Variants in TRIO observed in about 807,000 individuals in gnomAD.
TRIO encodes the protein triple functional domain protein.
TRIO carries 58 observed loss-of-function variants against 351.9 expected under a neutral mutation model. The ratio of observed to expected loss-of-function variants is 0.16; its 90% CI spans 0.13 to 0.21. TRIO has a LOEUF of 0.21. Among genes scored for constraint, TRIO ranks in the 10% least tolerant of loss-of-function variants. The probability of loss-of-function intolerance (pLI) is 1.00; values close to 1 mark genes in which losing one functional copy is unlikely to be tolerated. For synonymous variants in TRIO, 1,758 were observed against 1,595.7 expected (o/e 1.10, Z -2.42); for missense variants, 3,201 against 4,027.8 (o/e 0.79, Z 5.56).
intron 1 of TRIO, among the ~76,000 whole-genome samples, chr5:14,174,736 C>CA (rs1230774137): frequency 6.6e-6 from 1 of 152,170 alleles, no homozygotes; most frequent in African/African-American, 2.4e-5. Context: ...ATAATAGTAT[C>CA]TAGAGTCAGG....
At chr5:14,287,219 A>G (rs1334535373) in intron 4 of TRIO, 156 bp downstream of exon 4, 7 of 716,806 alleles carry the variant, frequency 9.8e-6, no homozygotes, top group Non-Finnish European at 1.4e-5. Flanking sequence ...ACTGCATGAA[A>G]TAACAGAGCT....
intron 1 of TRIO, among the ~76,000 whole-genome samples, chr5:14,145,589 C>T (rs1787466712): frequency 6.6e-6 from 1 of 152,040 alleles, no homozygotes; most frequent in Admixed American, 6.6e-5. Flanking sequence ...CCTTCATGCC[C>T]TGAAGCTAAG....
At chr5:14,233,316 T>TAA (rs35925373) in intron 1 of TRIO, among the ~76,000 whole-genome samples, 44,677 of 108,820 alleles carry the variant, frequency 0.41, 9,585 homozygotes, top group Non-Finnish European at 0.49. Flanking sequence ...CCTCGTCTCT[T>TAA]AAAAAAAAAA....
intron 11 of TRIO, among the ~76,000 whole-genome samples, chr5:14,355,912 C>T (rs78697398): frequency 1.5e-3 from 221 of 152,240 alleles, no homozygotes; most frequent in African/African-American, 5.1e-3. Flanking sequence ...GGCTTCTCTT[C>T]CTTAATGTAT....
intron 10 of TRIO, among the ~76,000 whole-genome samples, chr5:14,335,273 C>T (rs538490294): frequency 2.6e-5 from 4 of 152,312 alleles, no homozygotes; most frequent in Admixed American, 2.6e-4. Flanking sequence ...CCACCCCTCC[C>T]CACATGACGC....
intron 1 of TRIO, among the ~76,000 whole-genome samples, chr5:14,157,920 C>T (rs746897253): frequency 2.0e-5 from 3 of 152,056 alleles, no homozygotes; most frequent in African/African-American, 4.8e-5. Context: ...AATGATGACA[C>T]GGATATTACG....
chr5:14,399,001 C>T lies in TRIO; in HGVS notation c.4545C>T (p.Ser1515=). ...GGCATCTCTTCCTTTTTGAAATGTC[C>T]TTAGTATTTAGTAAAGAAGTGAAAG... ...RERHLFLFEM[S]LVFSKEVKDS... Residue 1515 remains serine, a synonymous_variant, in exon 30 of 57, where the codon TCC becomes TCT. Coordinates refer to ENST00000344204, the MANE Select transcript of TRIO (RefSeq NM_007118.4). 9 of 1,614,052 alleles carry T rather than the reference C, an allele frequency of 5.6e-6. No individual in the cohort carries two copies. The highest frequency in any genetic ancestry group is 1.7e-5 in the Admixed American group (1 of 60,020).
At chr5:14,159,552 G>T (rs1788308856) in intron 1 of TRIO, among the ~76,000 whole-genome samples, 1 of 151,800 alleles carries the variant, frequency 6.6e-6, no homozygotes, top group Non-Finnish European at 1.5e-5. Flanking sequence ...TTTTCTGCTA[G>T]TGTGAGCTTT....
chr5:14,376,718 A>G (rs1337999837), intron 19 of TRIO, among the ~76,000 whole-genome samples: 1 of 152,240 alleles, frequency 6.6e-6, no homozygotes, highest in African/African-American at 2.4e-5. Flanking sequence ...ACATCTTTGT[A>G]CAAACAGTTT....
chr5:14,387,550 A>G lies in TRIO; in HGVS notation c.3683A>G (p.Tyr1228Cys). Residue 1228 changes from tyrosine to cysteine, a missense_variant, in exon 22 of 57, where the codon TAC (tyrosine) becomes TGC (cysteine). Tyr to Cys is a radical substitution (Grantham distance 194, BLOSUM62 -2). This residue lies in a region of TRIO where 201 missense variants were observed against 266.5 expected (regional missense o/e 0.75). Transcript: ENST00000344204. The stretch of plus-strand genomic sequence containing the variant: ...TGTGTTACTGCTGTGGATAAGAGGT[A>G]CAGAGATTTCTCTCTGCGGATGGAG... ...KKCVTAVDKR[Y>C]RDFSLRMEKY... is the part of the protein sequence containing the mutation. The G allele has an allele frequency of 6.2e-7, 1 of 1,614,250 alleles. No individual in the cohort carries two copies. Among genetic ancestry groups the G allele is most frequent in the East Asian group, 2.2e-5 (1 of 44,892 alleles).
At chr5:14,283,059 G>GTT (rs1736140790) in intron 3 of TRIO, among the ~76,000 whole-genome samples, 1 of 152,126 alleles carries the variant, frequency 6.6e-6, no homozygotes, top group Admixed American at 6.5e-5. Context: ...CAGGAGCGCT[G>GTT]TTTGGTTTTA....
At chr5:14,486,910 T>A (rs999166832) in intron 47 of TRIO, among the ~76,000 whole-genome samples, 1 of 151,950 alleles carries the variant, frequency 6.6e-6, no homozygotes, top group Admixed American at 6.5e-5. Context: ...ACTTCAAGAG[T>A]TTGTGCATGT....
intron 2 of TRIO, among the ~76,000 whole-genome samples, chr5:14,279,624 A>T (rs1413663497): frequency 6.6e-6 from 1 of 152,216 alleles, no homozygotes; most frequent in Non-Finnish European, 1.5e-5. Context: ...TTAGGATTGT[A>T]TATGTTAACA....
At chr5:14,421,829 G>A (rs775539295) in intron 34 of TRIO, among the ~76,000 whole-genome samples, 30 of 152,022 alleles carry the variant, frequency 2.0e-4, no homozygotes, top group Non-Finnish European at 2.5e-4. Context: ...TCAAAAAGTC[G>A]GGCAACAAGG....
intron 11 of TRIO, among the ~76,000 whole-genome samples, chr5:14,337,868 C>T (rs1312096731): frequency 1.3e-5 from 2 of 152,056 alleles, no homozygotes; most frequent in African/African-American, 4.8e-5. Flanking sequence ...CAGTCCTGCC[C>T]CGGGCTGGCA....
At chr5:14,367,931 T>C (rs1416975755) in intron 16 of TRIO, among the ~76,000 whole-genome samples, 1 of 152,220 alleles carries the variant, frequency 6.6e-6, no homozygotes, top group Non-Finnish European at 1.5e-5. Flanking sequence ...AGGATTAGAA[T>C]ATATTGTATA....
chr5:14,180,641 C>T (rs916846107), intron 1 of TRIO, among the ~76,000 whole-genome samples: 2 of 152,096 alleles, frequency 1.3e-5, no homozygotes, highest in Non-Finnish European at 2.9e-5. Context: ...TGAGACTAGT[C>T]TGGGCAACAT....
intron 34 of TRIO, among the ~76,000 whole-genome samples, chr5:14,447,209 G>A (rs1305433338): frequency 2.0e-5 from 3 of 152,194 alleles, no homozygotes; most frequent in Non-Finnish European, 2.9e-5. Context: ...TCCAGCCTGG[G>A]TGACACAGCG....
At chr5:14,506,503 T>C (rs1757696736) in intron 55 of TRIO, among the ~76,000 whole-genome samples, 1 of 152,236 alleles carries the variant, frequency 6.6e-6, no homozygotes, top group African/African-American at 2.4e-5. Flanking sequence ...GTCCTGAGTT[T>C]CCTCGTGTAT....
Sources: allele counts gnomAD v4.1 joint callset (sites outside exome capture counted in the v4.1 genomes callset), GRCh38; gene constraint gnomAD v4.1.1; regional missense constraint gnomAD v4.1.1; transcripts MANE v1.5; gene names NCBI Gene and HGNC (gene_info 2026-07-23, HGNC 2026-07-21).